ELAVL4: variants seen among roughly 807,000 people sequenced by gnomAD.
ELAVL4 encodes the protein ELAV-like protein 4.
Under a neutral mutation model 35.6 loss-of-function variants are expected in ELAVL4, and 1 was observed. That is an observed-to-expected ratio of 0.03 (90% confidence interval 0.01 to 0.13). The LOEUF (loss-of-function observed/expected upper bound fraction) is 0.13. Among genes scored for constraint, ELAVL4 ranks in the 10% least tolerant of loss-of-function variants. The pLI, the probability that ELAVL4 is intolerant of heterozygous loss-of-function variation, is 1.00. For synonymous variants in ELAVL4, 156 were observed against 171.0 expected (o/e 0.91, Z 0.69); for missense variants, 267 against 464.9 (o/e 0.57, Z 3.91).
At chr1:50,052,237 G>C (rs1283938871) in intron 1 of ELAVL4, among the ~76,000 whole-genome samples, 1 of 152,138 alleles carries the variant, frequency 6.6e-6, no homozygotes, top group Non-Finnish European at 1.5e-5. Flanking sequence ...TTTAATTCTT[G>C]TTTTAGAACA....
intron 2 of ELAVL4, among the ~76,000 whole-genome samples, chr1:50,165,752 A>ATGTGTATG (rs1553183156): frequency 3.2e-5 from 1 of 31,100 alleles, no homozygotes; most frequent in Admixed American, 4.7e-4. Flanking sequence ...ATATACATAT[A>ATGTGTATG]TGTGTATATG....
chr1:50,182,554 A>T (rs1490740424), intron 3 of ELAVL4, among the ~76,000 whole-genome samples: 1 of 152,140 alleles, frequency 6.6e-6, no homozygotes, highest in Non-Finnish European at 1.5e-5. Context: ...GGTTGGGGAG[A>T]TAGGGAGCTG....
At chr1:50,157,615 G>A (rs949889215) in intron 2 of ELAVL4, among the ~76,000 whole-genome samples, 2 of 152,098 alleles carry the variant, frequency 1.3e-5, no homozygotes, top group East Asian at 3.9e-4. Flanking sequence ...TTTGGATTCC[G>A]GTCTATAATG....
intron 5 of ELAVL4, 34 bp from the exon 6 acceptor site, chr1:50,197,395 G>A (rs1221267789): frequency 3.2e-6 from 5 of 1,561,176 alleles, no homozygotes; most frequent in Non-Finnish European, 4.3e-6. Flanking sequence ...CCATCTGTGA[G>A]GCATTAACCC....
intron 1 of ELAVL4, among the ~76,000 whole-genome samples, chr1:50,133,645 A>AAGAG (rs1444890436): frequency 1.3e-5 from 2 of 148,986 alleles, no homozygotes; most frequent in Non-Finnish European, 3.0e-5. Flanking sequence ...GAAAGAAAGA[A>AAGAG]AGAAAGAGAA....
At chr1:50,096,090 A>G (rs1451330473) in intron 1 of ELAVL4, among the ~76,000 whole-genome samples, 9 of 152,156 alleles carry the variant, frequency 5.9e-5, no homozygotes, top group Non-Finnish European at 1.3e-4. Flanking sequence ...AAGAGAGGCC[A>G]TATCTCAGCC....
chr1:50,162,355 C>T (rs919188232), intron 2 of ELAVL4, among the ~76,000 whole-genome samples: 4 of 152,144 alleles, frequency 2.6e-5, no homozygotes, highest in Non-Finnish European at 5.9e-5. Flanking sequence ...ATAAGACTCA[C>T]GCGCCCGCCC....
chr1:50,125,909 C>T (rs1013333322), intron 1 of ELAVL4, among the ~76,000 whole-genome samples: 2 of 151,848 alleles, frequency 1.3e-5, no homozygotes, highest in Non-Finnish European at 2.9e-5. Context: ...TTGGTAAAGT[C>T]ATTAGCCTGT....
intron 1 of ELAVL4, among the ~76,000 whole-genome samples, chr1:50,054,473 C>G (rs939113011): frequency 6.6e-6 from 1 of 151,874 alleles, no homozygotes; most frequent in East Asian, 1.9e-4. Context: ...GAACTTTTAA[C>G]CAGAAAGAAT....
At chr1:50,132,909 GT>G (rs987740676) in intron 1 of ELAVL4, among the ~76,000 whole-genome samples, 3 of 152,058 alleles carry the variant, frequency 2.0e-5, no homozygotes, top group Non-Finnish European at 4.4e-5. Flanking sequence ...TTATTCTAGT[GT>G]TTTTTATTTT....
chr1:50,103,386 T>A (rs1210282943), upstream of ELAVL4, among the ~76,000 whole-genome samples: 1 of 152,150 alleles, frequency 6.6e-6, no homozygotes, highest in Admixed American at 6.5e-5. Flanking sequence ...CTCTGTAGTA[T>A]GTTTGCATTT....
intron 2 of ELAVL4, among the ~76,000 whole-genome samples, chr1:50,148,222 A>G (rs908215079): frequency 1.7e-4 from 26 of 152,178 alleles, no homozygotes; most frequent in African/African-American, 6.0e-4. Context: ...AGTCACCCCT[A>G]CTTTCCAAAA....
At chr1:50,128,496 A>G (rs1299421200) in intron 1 of ELAVL4, among the ~76,000 whole-genome samples, 1 of 152,088 alleles carries the variant, frequency 6.6e-6, no homozygotes, top group Non-Finnish European at 1.5e-5. Flanking sequence ...GTTCCCTGGG[A>G]TTACAAATGA....
rs1048698067 is a variant in ELAVL4 at position 50,175,152 on chromosome 1, A to G, written c.251-1937A>G. ...ATTATAAGAATACTTTTGTACAGCA[A>G]TTTTTAAAGCTTCTCATATATGCAA... On this transcript the variant is annotated intron_variant, in intron 2 of 6. Transcript: ENST00000371824. Among the ~76,000 whole-genome samples the G allele has an allele frequency of 2.6e-5, 4 of 152,246 alleles. No homozygotes were observed. The South Asian group carries it at 8.3e-4, about 32-fold the overall frequency.
chr1:50,168,946 G>GTATA (rs369553332), intron 2 of ELAVL4, among the ~76,000 whole-genome samples: 9,683 of 139,592 alleles, frequency 0.069, 625 homozygotes, highest in East Asian at 0.37. Context: ...TAGGAGATAT[G>GTATA]TATATATATA....
At chr1:50,153,401 G>T (rs1675142525) in intron 2 of ELAVL4, among the ~76,000 whole-genome samples, 1 of 152,148 alleles carries the variant, frequency 6.6e-6, no homozygotes, top group Non-Finnish European at 1.5e-5. Flanking sequence ...TTCCCATTTT[G>T]CAGATGCAGA....
chr1:50,079,928 C>G (rs1192511316), intron 1 of ELAVL4, among the ~76,000 whole-genome samples: 2 of 152,144 alleles, frequency 1.3e-5, no homozygotes, highest in African/African-American at 4.8e-5. Context: ...ACACCCTTCT[C>G]CCTCTCTCTT....
At chr1:50,088,484 A>C (rs553018630) in intron 1 of ELAVL4, among the ~76,000 whole-genome samples, 1 of 152,300 alleles carries the variant, frequency 6.6e-6, no homozygotes, top group East Asian at 1.9e-4. Flanking sequence ...CAAAACTCAG[A>C]GGCTCTCATC....
intron 1 of ELAVL4, among the ~76,000 whole-genome samples, chr1:50,141,431 GT>G (rs1470365718): frequency 1.1e-4 from 17 of 152,140 alleles, no homozygotes; most frequent in Non-Finnish European, 4.4e-5. Flanking sequence ...TCATTATCGA[GT>G]TGGCAGTGCT....
Sources: allele counts gnomAD v4.1 joint callset (sites outside exome capture counted in the v4.1 genomes callset), GRCh38; gene constraint gnomAD v4.1.1; transcripts MANE v1.5; gene names NCBI Gene and HGNC (gene_info 2026-07-23, HGNC 2026-07-21).